The following PXDN variants were observed in gnomAD, a reference collection of about 807,000 sequenced individuals.
PXDN encodes the protein peroxidasin, also known as peroxidasin homolog.
A neutral mutation model predicts 140.3 loss-of-function variants in PXDN; 77 were observed. That is an observed-to-expected ratio of 0.55 (90% CI 0.46 to 0.66). The LOEUF (loss-of-function observed/expected upper bound fraction) is 0.66, where lower values mean the gene tolerates loss of function less well. PXDN is among the 30% of genes least tolerant of loss of function. The pLI is 0.00. For synonymous variants in PXDN, 911 were observed against 857.4 expected (o/e 1.06, Z -1.09); for missense variants, 1,838 against 2,039.5 (o/e 0.90, Z 1.90).
chr2:1,709,146 C>G (rs1362007662), intron 1 of PXDN, among the ~76,000 whole-genome samples: 1 of 152,196 alleles, frequency 6.6e-6, no homozygotes, highest in Admixed American at 6.5e-5. Flanking sequence ...CTGTGCTCGC[C>G]GCTCACTCAT....
chr2:1,684,176 G>C (rs1289057921), intron 4 of PXDN, 25 bp from the exon 5 acceptor site: 1 of 1,532,226 alleles, frequency 6.5e-7, no homozygotes, highest in Non-Finnish European at 8.8e-7. Flanking sequence ...AGAAAAAAAA[G>C]TATAACTTAC....
intron 1 of PXDN, among the ~76,000 whole-genome samples, chr2:1,713,662 C>G (rs1300224443): frequency 6.6e-6 from 1 of 152,214 alleles, no homozygotes; most frequent in Non-Finnish European, 1.5e-5. Flanking sequence ...GCCTCGGTCC[C>G]CCCGAATGCT....
At chr2:1,657,768 T>C (rs79044806) in intron 14 of PXDN, among the ~76,000 whole-genome samples, 35,455 of 127,468 alleles carry the variant, frequency 0.28, 4,975 homozygotes, top group African/African-American at 0.4. Flanking sequence ...GACCTAGTCC[T>C]TTCCTGACAG....
intron 15 of PXDN, 61 bp from the exon 16 acceptor site, chr2:1,653,846 T>C (rs1433890028): frequency 2.1e-6 from 3 of 1,440,252 alleles, no homozygotes; most frequent in Admixed American, 2.1e-5. Context: ...ATAAAATTCA[T>C]AGTACCCCAA....
At position 1,643,590 on chromosome 2, in the gene PXDN, A is replaced by G. The variant is rs766159909; in HGVS notation, c.3744-14T>C. The stretch of plus-strand genomic sequence containing the variant: ...TCATACCACAACCTGGATCCCCCAA[A>G]ATGAAAGCAGGATCAGAGAAGGGCA... On this transcript the variant is annotated splice_polypyrimidine_tract_variant and intron_variant, in intron 18 of 22. Transcript: ENST00000252804. The G allele has an allele frequency of 6.2e-7, 1 of 1,613,036 alleles. No homozygotes were observed. Among genetic ancestry groups the G allele is most frequent in the Admixed American group, 1.7e-5 (1 of 60,016 alleles).
At chr2:1,739,767 C>T (rs1003548301) in intron 1 of PXDN, among the ~76,000 whole-genome samples, 7 of 152,282 alleles carry the variant, frequency 4.6e-5, no homozygotes, top group African/African-American at 7.2e-5. Context: ...GAAGATCAGC[C>T]GCCTCCCAGG....
At chr2:1,673,896 C>T (rs1683636050) in intron 8 of PXDN, 84 bp from the exon 9 acceptor site, 1 of 1,460,196 alleles carries the variant, frequency 6.8e-7, no homozygotes, top group African/African-American at 1.4e-5. Context: ...GGTTTCCAGC[C>T]CTGCAGCAGG....
At chr2:1,724,583 C>A (rs1026655720) in intron 1 of PXDN, among the ~76,000 whole-genome samples, 2 of 152,100 alleles carry the variant, frequency 1.3e-5, no homozygotes, top group Non-Finnish European at 2.9e-5. Context: ...CACCACTCTG[C>A]CATTCAACAG....
At chr2:1,702,668 G>A (rs1435273137) in intron 1 of PXDN, among the ~76,000 whole-genome samples, 1 of 151,774 alleles carries the variant, frequency 6.6e-6, no homozygotes, top group Non-Finnish European at 1.5e-5. Flanking sequence ...TCGCTCTGTC[G>A]CCCAGGCTGG....
chr2:1,643,343 C>G, intron 19 of PXDN, 25 bp downstream of exon 19: 1 of 1,605,250 alleles, frequency 6.2e-7, no homozygotes, highest in Non-Finnish European at 8.5e-7. Flanking sequence ...GAAAAAGGAA[C>G]AGACATGGTG....
At chr2:1,706,550 A>G (rs71440681) in intron 1 of PXDN, among the ~76,000 whole-genome samples, 11 of 146,404 alleles carry the variant, frequency 7.5e-5, no homozygotes, top group African/African-American at 2.6e-5. Flanking sequence ...TCTAAACATC[A>G]CCTGCCCCAC....
intron 14 of PXDN, among the ~76,000 whole-genome samples, chr2:1,657,090 G>C (rs985119003): frequency 6.6e-5 from 10 of 150,884 alleles, no homozygotes; most frequent in African/African-American, 2.4e-4. Context: ...GCTGGGACCT[G>C]CCCCCTCCTG....
Position 1,714,242 on chromosome 2 carries a change from G to T in PXDN, c.201-21108C>A, listed in dbSNP as rs1052223137. Among the ~76,000 whole-genome samples, 4 of 152,120 alleles carry T rather than the reference G, an allele frequency of 2.6e-5. No homozygotes were observed. Among genetic ancestry groups the T allele is most frequent in the Non-Finnish European group, 5.9e-5 (4 of 68,034 alleles). Reference sequence around the variant, plus strand: ...CACGTCACACCCGCAGCACCCTTGCGTAGGTAGTTGAGGGGTCAACCCCAG... The same window carrying T: ...CACGTCACACCCGCAGCACCCTTGCTTAGGTAGTTGAGGGGTCAACCCCAG... On this transcript the variant is annotated intron_variant, in intron 1 of 22. Coordinates refer to ENST00000252804, the MANE Select transcript of PXDN (RefSeq NM_012293.3). This position sits in a 1 kb window ranked among gnomAD's most constrained non-coding sequence, Gnocchi z 4.3.
At chr2:1,681,440 C>T (rs903128648) in intron 6 of PXDN, among the ~76,000 whole-genome samples, 13 of 152,130 alleles carry the variant, frequency 8.5e-5, no homozygotes, top group African/African-American at 2.4e-4. Context: ...CTGCAACAGA[C>T]GTGCTCACTA....
intron 1 of PXDN, among the ~76,000 whole-genome samples, chr2:1,723,338 G>C (rs1425659184): frequency 6.6e-6 from 1 of 152,086 alleles, no homozygotes; most frequent in Non-Finnish European, 1.5e-5. Context: ...ATGAATAAAT[G>C]GATGTGTGGT....
chr2:1,698,508 G>C (rs1448136971), intron 1 of PXDN, among the ~76,000 whole-genome samples: 1 of 152,198 alleles, frequency 6.6e-6, no homozygotes, highest in Non-Finnish European at 1.5e-5. Context: ...GAGAGAATGA[G>C]ATCCAGGTTA....
intron 1 of PXDN, among the ~76,000 whole-genome samples, chr2:1,698,528 C>T (rs1684348253): frequency 6.6e-6 from 1 of 152,102 alleles, no homozygotes; most frequent in South Asian, 2.1e-4. Flanking sequence ...AGAAGAAATC[C>T]CTTTCCTGGA....
At chr2:1,724,261 A>G (rs1372926349) in intron 1 of PXDN, among the ~76,000 whole-genome samples, 1 of 150,712 alleles carries the variant, frequency 6.6e-6, no homozygotes, top group African/African-American at 2.4e-5. Flanking sequence ...AAATTTTTCC[A>G]TCTCTACCAA....
At chr2:1,658,499 G>T (rs377475056) in intron 14 of PXDN, among the ~76,000 whole-genome samples, 1 of 151,118 alleles carries the variant, frequency 6.6e-6, no homozygotes, top group African/African-American at 2.4e-5. Flanking sequence ...GACCAGCCCC[G>T]CAGACCCCAG....
Sources: gnomAD v4.1 joint callset for allele counts (sites outside exome capture counted in the v4.1 genomes callset) on GRCh38, gnomAD v4.1.1 for gene constraint, Gnocchi (gnomAD v3.1) non-coding constraint, MANE v1.5 for transcripts, NCBI Gene and HGNC (gene_info 2026-07-23, HGNC 2026-07-21) for gene names.